Variants in SF3B2 observed in about 807,000 individuals in gnomAD.
The protein encoded by SF3B2 is splicing factor 3b subunit 2.
Under a neutral mutation model 116.3 loss-of-function variants are expected in SF3B2, and 22 were observed. The ratio of observed to expected loss-of-function variants is 0.19; its 90% confidence interval spans 0.14 to 0.27. The LOEUF (loss-of-function observed/expected upper bound fraction) is 0.27. SF3B2 is among the 10% of genes least tolerant of loss of function. SF3B2 has a pLI of 1.00. For synonymous variants in SF3B2, 406 were observed against 421.6 expected (o/e 0.96, Z 0.45); for missense variants, 767 against 1,151.4 (o/e 0.67, Z 4.83).
At chr11:66,053,612 C>T in intron 3 of SF3B2, 1 of 158,628 alleles carries the variant, frequency 6.3e-6, no homozygotes, top group Admixed American at 6.1e-5. Flanking sequence ...TTGGAGGCTG[C>T]AGTGAGCTCT....
intron 16 of SF3B2, among the ~76,000 whole-genome samples, chr11:66,062,623 G>C (rs1857118526): frequency 6.6e-6 from 1 of 151,862 alleles, no homozygotes; most frequent in Non-Finnish European, 1.5e-5. Context: ...TAAAACAGTA[G>C]TATTGTTAAA....
chr11:66,056,265 C>T lies in SF3B2; in HGVS notation c.550-573C>T, dbSNP rs112749258. 8.4e-4 allele frequency among the ~76,000 whole-genome samples: 128 copies of T among 151,644 alleles called. 2 individuals are homozygous for T. Among genetic ancestry groups the T allele is most frequent in the African/African-American group, 2.7e-3 (111 of 41,330 alleles). ...AAATACAAAAATTAGCCAGGTGTGG[C>T]GGCGCATGCCTGTAGTCCCAGCTAC... On this transcript the variant is annotated intron_variant, in intron 5 of 21. Coordinates refer to ENST00000322535, the MANE Select transcript of SF3B2 (RefSeq NM_006842.3).
rs878904502 is a variant in SF3B2, at chr11:66,060,587, A to G, written c.1635A>G (p.Glu545=). The change falls in exon 14 of 22, where the codon GAA becomes GAG. Residue 545 remains glutamate (E), a synonymous_variant. Transcript: ENST00000322535. The part of the protein sequence containing the change: ...EMREALQEKE[E]QKTMKSKMRE... ...TTTGCTGCCATTCTCCACAGGAAGA[A>G]CAGAAGACCATGAAGTCAAAAATGC... 1.2e-6 allele frequency: 2 copies of G among 1,614,202 alleles called. No individual in the cohort carries two copies. Among genetic ancestry groups the G allele is most frequent in the South Asian group, 2.2e-5 (2 of 91,082 alleles).
chr11:66,062,045 C>T (rs1474097520), intron 16 of SF3B2, 47 bp downstream of exon 16: 1 of 1,377,274 alleles, frequency 7.3e-7, no homozygotes, highest in Admixed American at 2.0e-5. Context: ...TGCTTTTGAA[C>T]TGGAAGGTAA....
chr11:66,059,093 G>A lies in SF3B2; in HGVS notation c.1182+48G>A. 1 of 1,608,120 alleles carries A rather than the reference G, an allele frequency of 6.2e-7. No individual in the cohort carries two copies. Among genetic ancestry groups the A allele is most frequent in the Non-Finnish European group, 8.5e-7 (1 of 1,175,304 alleles). On this transcript the variant is annotated intron_variant, in intron 10 of 21. Transcript: ENST00000322535. This position sits in a 1 kb window ranked among gnomAD's most constrained non-coding sequence, Gnocchi z 5.0. Reference sequence around the variant, plus strand: ...AGGGGCAGTGCCAAACAGGGAAGGGGCTCAGAGGTGGGTGAGAGGCAGCGG... The same window carrying A: ...AGGGGCAGTGCCAAACAGGGAAGGGACTCAGAGGTGGGTGAGAGGCAGCGG...
intron 19 of SF3B2, chr11:66,067,359 A>T (rs1053951359): frequency 1.1e-5 from 5 of 455,442 alleles, no homozygotes; most frequent in African/African-American, 1.0e-4. Flanking sequence ...AGGACCCGAC[A>T]TCCGTTTTAA....
intron 8 of SF3B2, 21 bp from the exon 9 acceptor site, chr11:66,058,293 T>C (rs1290950599): frequency 1.2e-6 from 2 of 1,611,116 alleles, no homozygotes; most frequent in Non-Finnish European, 1.7e-6. Context: ...TGAAGACTCA[T>C]CACCACCTTC....
At chr11:66,067,119 G>T (rs901119835) in intron 19 of SF3B2, 7 of 217,790 alleles carry the variant, frequency 3.2e-5, no homozygotes, top group East Asian at 1.2e-4. Flanking sequence ...TTTTTTGGTT[G>T]TTTCAGGCAG....
In SF3B2 at chr11:66,059,380, A is replaced by C; in HGVS notation, c.1320+42A>C. ...CTGGTGGGAAGCAGGGACTCTGGGC[A>C]CAGGTGGCTGAGATGCATCCAGAGA... On this transcript the variant is annotated intron_variant, in intron 11 of 21. Transcript: ENST00000322535. This position sits in a 1 kb window ranked among gnomAD's most constrained non-coding sequence, Gnocchi z 5.0. The C allele has an allele frequency of 6.2e-7, 1 of 1,612,988 alleles. No individual in the cohort carries two copies. The highest frequency in any genetic ancestry group is 8.5e-7 in the Non-Finnish European group (1 of 1,179,256).
rs1376676719 is a variant in SF3B2 at position 66,053,081 on chromosome 11, G to C, written c.235G>C (p.Ala79Pro). ...VLRGEDGDKA[A>P]PPPMSAQLPG... ...GAGAGGGGAAGATGGGGACAAAGCC[G>C]CTCCACCTCCCATGTCGGCACAGGT... Residue 79 changes from alanine to proline, a missense_variant, in exon 3 of 22, where the codon GCT becomes CCT. By Grantham distance (27) the Ala-to-Pro change is conservative. This residue lies in a region of SF3B2 where 455 missense variants were observed against 537.5 expected (regional missense o/e 0.85). Transcript: ENST00000322535. 6 of 1,614,054 alleles carry C rather than the reference G, an allele frequency of 3.7e-6. No individual in the cohort carries two copies. Among genetic ancestry groups the C allele is most frequent in the Admixed American group, 1.7e-5 (1 of 60,012 alleles).
At position 66,058,853 on chromosome 11, in the gene SF3B2, AAAG is replaced by A. The variant is rs767346125; in HGVS notation, c.999_1001del (p.Lys335del). On this transcript the variant is annotated inframe_deletion, in exon 10 of 22. Coordinates refer to ENST00000322535, the MANE Select transcript of SF3B2 (RefSeq NM_006842.3). ...AGAAAAACCGGAAGCGTAGGAACCG[AAAG>A]AAGAAGAAAAAGCCCCAGCGGGTGC... 11 of 1,611,716 alleles carry A rather than the reference AAAG, an allele frequency of 6.8e-6. No individual in the cohort carries two copies. The Admixed American group carries it at 1.0e-4, about 15-fold the overall frequency.
chr11:66,054,679 T>C (rs1051096845), intron 3 of SF3B2, among the ~76,000 whole-genome samples: 1 of 152,190 alleles, frequency 6.6e-6, no homozygotes, highest in African/African-American at 2.4e-5. Flanking sequence ...CAGTGGTTCC[T>C]GTTTATGTAA....
chr11:66,067,289 G>A, intron 19 of SF3B2: 2 of 406,006 alleles, frequency 4.9e-6, no homozygotes, highest in Non-Finnish European at 9.8e-6. Context: ...ATGGTAAGGA[G>A]TTTGGATTTT....
chr11:66,063,928 A>C (rs537065282), intron 19 of SF3B2, among the ~76,000 whole-genome samples, 199 bp downstream of exon 19: 1 of 152,336 alleles, frequency 6.6e-6, no homozygotes, highest in South Asian at 2.1e-4. Flanking sequence ...AGATGTAGAT[A>C]AGGATGTTGA....
chr11:66,061,474 C>T (rs930111585), intron 14 of SF3B2, among the ~76,000 whole-genome samples: 5 of 152,184 alleles, frequency 3.3e-5, no homozygotes, highest in East Asian at 1.9e-4. Flanking sequence ...CAGGTCCTAA[C>T]GTTGGCCGTG....
chr11:66,062,225 G>C (rs1273004263), intron 16 of SF3B2, among the ~76,000 whole-genome samples: 3 of 152,052 alleles, frequency 2.0e-5, no homozygotes, highest in Admixed American at 6.5e-5. Flanking sequence ...AGTCAGAATT[G>C]ACAAGTACAA....
Position 66,059,760 on chromosome 11 carries a change from C to T in SF3B2, c.1402-22C>T, listed in dbSNP as rs774705685. 68 of 1,613,012 alleles carry T rather than the reference C, an allele frequency of 4.2e-5. No individual in the cohort carries two copies. The highest frequency in any genetic ancestry group is 1.6e-4 in the Middle Eastern group (1 of 6,084). On this transcript the variant is annotated intron_variant, in intron 12 of 21. Transcript: ENST00000322535. This position sits in a 1 kb window ranked among gnomAD's most constrained non-coding sequence, Gnocchi z 5.0. ...TGAGAAGTCGGGGCTCTCGAGAACA[C>T]GCATTACTATGTGTTTTCCAGCTGG... is the stretch of plus-strand genomic sequence containing the variant.
chr11:66,063,941 C>T (rs1857137379), intron 19 of SF3B2, among the ~76,000 whole-genome samples: 3 of 152,130 alleles, frequency 2.0e-5, no homozygotes, highest in Admixed American at 1.3e-4. Flanking sequence ...GATGTTGAAG[C>T]AGAGGAAACT....
Position 66,057,054 on chromosome 11 carries a change from G to C in SF3B2, c.667+99G>C. The stretch of plus-strand genomic sequence containing the variant: ...ATCACATTTAAAAAGGGCATATATA[G>C]TAAATATATAGTTTAATGGTTTTTT... On this transcript the variant is annotated intron_variant, in intron 6 of 21. Coordinates refer to ENST00000322535, the MANE Select transcript of SF3B2 (RefSeq NM_006842.3). 3.3e-6 allele frequency: 3 copies of C among 912,394 alleles called. No homozygotes were observed. In the South Asian group the frequency reaches 4.1e-5, roughly 13 times the overall value. 56.5% of individuals were successfully genotyped at this position (912,394 alleles called of 1,614,324 possible). A position where few individuals can be genotyped will look rare whatever the true frequency, so the allele number is the denominator to read the frequency against.
Sources: allele counts gnomAD v4.1 joint callset (sites outside exome capture counted in the v4.1 genomes callset), GRCh38; gene constraint gnomAD v4.1.1; regional missense constraint gnomAD v4.1.1; non-coding constraint Gnocchi (gnomAD v3.1); transcripts MANE v1.5; gene names NCBI Gene and HGNC (gene_info 2026-07-23, HGNC 2026-07-21).